The following NBEA variants were observed in gnomAD, a reference collection of about 807,000 sequenced individuals.
NBEA encodes the protein neurobeachin.
Under a neutral mutation model 343.4 loss-of-function variants are expected in NBEA, and 44 were observed. The observed-to-expected ratio is 0.13, with a 90% CI of 0.10 to 0.16. The LOEUF (loss-of-function observed/expected upper bound fraction) is 0.16, where lower values mean the gene tolerates loss of function less well. NBEA is among the 10% of genes least tolerant of loss of function. The pLI is 1.00. For synonymous variants in NBEA, 1,175 were observed against 1,238.7 expected, an observed-to-expected ratio of 0.95 and a Z score of 1.08; for missense variants, 2,555 against 3,631.3, an observed-to-expected ratio of 0.70 and a Z score of 7.62.
intron 41 of NBEA, among the ~76,000 whole-genome samples, chr13:35,508,318 C>T (rs1349667206): frequency 6.6e-6 from 1 of 152,040 alleles, no homozygotes; most frequent in Non-Finnish European, 1.5e-5. Context: ...GGGAAGTGCT[C>T]AGTTTTGAGG....
intron 33 of NBEA, among the ~76,000 whole-genome samples, chr13:35,226,911 C>T (rs2074685517): frequency 6.6e-6 from 1 of 152,012 alleles, no homozygotes; most frequent in African/African-American, 2.4e-5. Context: ...AGGCATTACA[C>T]ATCTTAAAAC....
intron 11 of NBEA, among the ~76,000 whole-genome samples, chr13:35,106,246 G>T (rs2065912499): frequency 1.3e-5 from 2 of 151,854 alleles, no homozygotes; most frequent in Non-Finnish European, 2.9e-5. Flanking sequence ...TCCAAGTATA[G>T]ATCTCTTTCT....
intron 1 of NBEA, among the ~76,000 whole-genome samples, chr13:35,001,348 A>G (rs1487491883): frequency 6.6e-6 from 1 of 152,190 alleles, no homozygotes. Flanking sequence ...GAAAATCAAC[A>G]TATGAAAGAG....
intron 35 of NBEA, among the ~76,000 whole-genome samples, chr13:35,308,486 GTGTA>G (rs2037091390): frequency 3.2e-5 from 3 of 93,812 alleles, no homozygotes; most frequent in Non-Finnish European, 6.3e-5. Flanking sequence ...ATATATATAT[GTGTA>G]TATATATGTG....
intron 34 of NBEA, among the ~76,000 whole-genome samples, chr13:35,268,960 A>G (rs1339482597): frequency 6.6e-6 from 1 of 152,134 alleles, no homozygotes; most frequent in Admixed American, 6.6e-5. Flanking sequence ...AGACTTTTTC[A>G]GACAACAAAA....
intron 48 of NBEA, among the ~76,000 whole-genome samples, chr13:35,609,784 GT>G (rs2082425012): frequency 6.6e-6 from 1 of 152,166 alleles, no homozygotes; most frequent in African/African-American, 2.4e-5. Context: ...ATTTAAACTA[GT>G]ACTTAATTAT....
At chr13:35,621,020 G>A (rs1014928288) in intron 48 of NBEA, among the ~76,000 whole-genome samples, 1 of 152,148 alleles carries the variant, frequency 6.6e-6, no homozygotes, top group Admixed American at 6.5e-5. Context: ...CCCTTTAGCA[G>A]AAATTCTAAG....
At chr13:35,398,132 G>A (rs1332292979) in intron 38 of NBEA, among the ~76,000 whole-genome samples, 1 of 152,098 alleles carries the variant, frequency 6.6e-6, no homozygotes, top group Non-Finnish European at 1.5e-5. Flanking sequence ...TCACCAGGAG[G>A]AAATTCCATC....
chr13:35,081,946 T>C (rs1266735587), intron 10 of NBEA, among the ~76,000 whole-genome samples: 1 of 152,172 alleles, frequency 6.6e-6, no homozygotes, highest in Non-Finnish European at 1.5e-5. Flanking sequence ...CTTTAAGTTT[T>C]AGGGTACATG....
At chr13:34,965,475 C>T (rs945985982) in intron 1 of NBEA, among the ~76,000 whole-genome samples, 3 of 151,868 alleles carry the variant, frequency 2.0e-5, no homozygotes, top group Non-Finnish European at 4.4e-5. Flanking sequence ...GAGATTGGCT[C>T]GAAAGGGTCA....
chr13:35,173,645 T>TAAAA (rs1263364526), intron 27 of NBEA, 51 bp downstream of exon 27: 35 of 1,555,864 alleles, frequency 2.2e-5, no homozygotes, highest in Non-Finnish European at 2.6e-5. Context: ...AAAAAAATCT[T>TAAAA]TTTTAAGTTG....
intron 8 of NBEA, among the ~76,000 whole-genome samples, chr13:35,064,104 G>A (rs149742551): frequency 1.7e-4 from 26 of 152,140 alleles, no homozygotes; most frequent in African/African-American, 3.6e-4. Context: ...AATGAAGAAC[G>A]TCTGGAGTTC....
intron 39 of NBEA, among the ~76,000 whole-genome samples, chr13:35,436,641 C>T (rs187689641): frequency 2.1e-4 from 31 of 148,422 alleles, no homozygotes; most frequent in African/African-American, 7.7e-4. Context: ...GCCCGGGAGA[C>T]GGAGCTTGCA....
At chr13:34,974,774 C>A (rs935622747) in intron 1 of NBEA, among the ~76,000 whole-genome samples, 3 of 152,154 alleles carry the variant, frequency 2.0e-5, no homozygotes, top group African/African-American at 7.2e-5. Flanking sequence ...TTTTTAAACA[C>A]AAATGGCAAG....
At chr13:35,158,904 C>A in intron 21 of NBEA, 112 bp from the exon 22 acceptor site, 1 of 1,006,248 alleles carries the variant, frequency 9.9e-7, no homozygotes, top group Non-Finnish European at 1.4e-6. Flanking sequence ...GCTTTGAAGT[C>A]TTAAACTTTC....
chr13:35,274,817 C>G (rs1307640248), intron 34 of NBEA, among the ~76,000 whole-genome samples: 1 of 152,128 alleles, frequency 6.6e-6, no homozygotes, highest in Admixed American at 6.5e-5. Context: ...AGGACCTCTT[C>G]AAGGAGAACT....
chr13:35,277,545 T>TC (rs2034680299), intron 34 of NBEA, among the ~76,000 whole-genome samples: 1 of 133,770 alleles, frequency 7.5e-6, no homozygotes, highest in Admixed American at 8.9e-5. Context: ...CACTTGAACC[T>TC]GGTAGGCAGA....
At chr13:35,577,300 A>G (rs1200626158) in intron 45 of NBEA, among the ~76,000 whole-genome samples, 1 of 152,228 alleles carries the variant, frequency 6.6e-6, no homozygotes, top group East Asian at 1.9e-4. Context: ...TAGCGAGGTC[A>G]GCTCACCTGC....
chr13:35,400,585 A>C (rs2042959394), intron 38 of NBEA, among the ~76,000 whole-genome samples: 1 of 152,192 alleles, frequency 6.6e-6, no homozygotes, highest in South Asian at 2.1e-4. Context: ...ATATTATCCA[A>C]GATGATAGAA....
Sources: allele counts gnomAD v4.1 joint callset (sites outside exome capture counted in the v4.1 genomes callset), GRCh38; gene constraint gnomAD v4.1.1; transcripts MANE v1.5; gene names NCBI Gene and HGNC (gene_info 2026-07-23, HGNC 2026-07-21).